Variants in CMTM4 observed in about 807,000 individuals in gnomAD.
CMTM4 encodes the protein CKLF like MARVEL transmembrane domain containing 4, also known as CKLF-like MARVEL transmembrane domain-containing protein 4.
A neutral mutation model predicts 19.0 loss-of-function variants in CMTM4; 8 were observed. The observed-to-expected ratio is 0.42, with a 90% confidence interval of 0.25 to 0.76. CMTM4 has a LOEUF of 0.76. CMTM4 is among the 30% of genes least tolerant of loss of function. The pLI is 0.27. For synonymous variants in CMTM4, 106 were observed against 121.1 expected (o/e 0.88, Z 0.82); for missense variants, 228 against 290.2 (o/e 0.79, Z 1.56).
chr16:66,611,142 T>G (rs2015361159), downstream of CMTM4: 1 of 348,382 alleles, frequency 2.9e-6, no homozygotes, highest in Non-Finnish European at 5.1e-6. Flanking sequence ...AAAATTATTC[T>G]TGACTTATAT....
At chr16:66,600,782 G>GCC in the CMTM4 span, among the ~76,000 whole-genome samples, 7 of 152,190 alleles carry the variant, frequency 4.6e-5, no homozygotes, top group Non-Finnish European at 8.8e-5. Context: ...AAAAGCTGGG[G>GCC]CCTTGCTGTA....
rs1242952617 is a variant in CMTM4 at position 66,617,500 on chromosome 16, TGAA to T, written c.*4555_*4557del. On this transcript the variant is annotated 3_prime_UTR_variant, in exon 4 of 4. Transcript: ENST00000394106. Reference sequence around the variant, plus strand: ...GTGTACAAAATGCCACTCACTTGCATGAAGAAGAATTAAACAGAACATTCACTT... The same window carrying T: ...GTGTACAAAATGCCACTCACTTGCATGAAGAATTAAACAGAACATTCACTT... 4.9e-6 allele frequency: 7 copies of T among 1,420,064 alleles called. No homozygotes were observed. In the African/African-American group the frequency reaches 7.2e-5, roughly 15 times the overall value. 88.0% of individuals were successfully genotyped at this position (1,420,064 alleles called of 1,614,324 possible). A position where few individuals can be genotyped will look rare whatever the true frequency, so the allele number is the denominator to read the frequency against.
chr16:66,632,479 T>C (rs564578249), intron 2 of CMTM4, among the ~76,000 whole-genome samples: 1 of 152,166 alleles, frequency 6.6e-6, no homozygotes, highest in Non-Finnish European at 1.5e-5. Flanking sequence ...TATATTAAAC[T>C]CCATATTTAC....
downstream of CMTM4, among the ~76,000 whole-genome samples, chr16:66,610,357 C>T (rs535969534): frequency 1.4e-4 from 22 of 152,290 alleles, no homozygotes; most frequent in African/African-American, 5.3e-4. This position sits in a 1 kb window ranked among gnomAD's most constrained non-coding sequence, Gnocchi z 4.6. Context: ...CCTCTGCTGT[C>T]TTACCCATCC....
intron 1 of CMTM4, among the ~76,000 whole-genome samples, chr16:66,671,905 C>T (rs2016714568): frequency 6.6e-6 from 1 of 151,860 alleles, no homozygotes; most frequent in African/African-American, 2.4e-5. Flanking sequence ...GTGGCACACA[C>T]CTGTGGTCCC....
chr16:66,630,373 C>T (rs1190699555), intron 2 of CMTM4, among the ~76,000 whole-genome samples: 5 of 141,326 alleles, frequency 3.5e-5, no homozygotes, highest in Non-Finnish European at 7.7e-5. Flanking sequence ...TTTCCACGGT[C>T]TCCCTCTGAT....
At chr16:66,687,278 A>G (rs2144918700) in intron 1 of CMTM4, among the ~76,000 whole-genome samples, 1 of 152,212 alleles carries the variant, frequency 6.6e-6, no homozygotes. Flanking sequence ...GTTAAAGATT[A>G]CAGTCAGTAT....
chr16:66,659,855 C>T (rs2016469826), intron 1 of CMTM4, among the ~76,000 whole-genome samples: 1 of 152,116 alleles, frequency 6.6e-6, no homozygotes, highest in Non-Finnish European at 1.5e-5. Context: ...TATGTGGGCA[C>T]TTGTACTATT....
At chr16:66,633,118 AATATATATATAT>A (rs1168825024) in intron 2 of CMTM4, among the ~76,000 whole-genome samples, 8 of 76,198 alleles carry the variant, frequency 1.0e-4, no homozygotes, top group South Asian at 4.7e-4. Context: ...TATATATATA[AATATATATATAT>A]AAATATATAT....
chr16:66,619,202 G>A lies in CMTM4; in HGVS notation c.*2856C>T. ...CTCCCATGCCTTCAGCAGTGTGAAAGAAGGATATCAAAGAGAATCAGAGGG... is the reference window on the plus strand; with the variant it reads ...CTCCCATGCCTTCAGCAGTGTGAAAAAAGGATATCAAAGAGAATCAGAGGG... On this transcript the variant is annotated 3_prime_UTR_variant, in exon 4 of 4. Transcript: ENST00000394106. 1.0e-6 allele frequency: 1 copy of A among 985,456 alleles called. No individual in the cohort carries two copies. Among genetic ancestry groups the A allele is most frequent in the Middle Eastern group, 5.2e-4 (1 of 1,914 alleles). 61.0% of individuals were successfully genotyped at this position (985,456 alleles called of 1,614,324 possible). A position where few individuals can be genotyped will look rare whatever the true frequency, so the allele number is the denominator to read the frequency against.
intron 1 of CMTM4, among the ~76,000 whole-genome samples, chr16:66,690,021 TAA>T (rs2017106961): frequency 6.6e-6 from 1 of 152,208 alleles, no homozygotes; most frequent in Admixed American, 6.5e-5. Flanking sequence ...CAAAAAAACT[TAA>T]GAGTAATTAT....
intron 1 of CMTM4, among the ~76,000 whole-genome samples, chr16:66,684,895 C>T (rs2017005110): frequency 1.3e-5 from 2 of 152,256 alleles, no homozygotes; most frequent in African/African-American, 4.8e-5. Context: ...TGCTCTCTTC[C>T]TCTCCACCTC....
intron 1 of CMTM4, among the ~76,000 whole-genome samples, chr16:66,667,781 T>C (rs531740884): frequency 6.6e-6 from 1 of 151,922 alleles, no homozygotes; most frequent in Admixed American, 6.6e-5. Flanking sequence ...CCCAGCTATT[T>C]AGGAGGCTGA....
At position 66,617,224 on chromosome 16, in the gene CMTM4, AAC is replaced by A. The variant is rs1159148227; in HGVS notation, c.*4832_*4833del. ...CATAAAAAAACAAACATAGACAACA[AAC>A]TTACCCTATGAAATAGATACACAGT... On this transcript the variant is annotated 3_prime_UTR_variant, in exon 4 of 4. Transcript: ENST00000394106. 2.0e-5 allele frequency: 32 copies of A among 1,568,336 alleles called. No individual in the cohort carries two copies. Among genetic ancestry groups the A allele is most frequent in the Non-Finnish European group, 2.7e-5 (31 of 1,146,396 alleles).
intron 2 of CMTM4, among the ~76,000 whole-genome samples, chr16:66,629,580 CATA>C (rs1374002998): frequency 1.3e-5 from 2 of 152,112 alleles, no homozygotes; most frequent in Admixed American, 1.3e-4. Flanking sequence ...TTTTGTTATT[CATA>C]ATGAGTCCCT....
intron 1 of CMTM4, among the ~76,000 whole-genome samples, chr16:66,649,060 G>T (rs2016260283): frequency 6.6e-6 from 1 of 152,206 alleles, no homozygotes; most frequent in Admixed American, 6.5e-5. Flanking sequence ...TGAGGTTGCT[G>T]GGCACAGTGG....
intron 1 of CMTM4, among the ~76,000 whole-genome samples, chr16:66,690,466 T>C (rs1441506626): frequency 1.3e-5 from 2 of 152,162 alleles, no homozygotes; most frequent in East Asian, 1.9e-4. Flanking sequence ...GCTTTGTAAA[T>C]GTAGCTATAT....
chr16:66,608,177 G>A, the CMTM4 span: 13 of 931,164 alleles, frequency 1.4e-5, no homozygotes, highest in Non-Finnish European at 2.2e-5. The surrounding 1 kb of genome is among the most constrained non-coding windows in gnomAD (Gnocchi z 5.1). Flanking sequence ...CCACTTCCCA[G>A]CTGCGGGACT....
At chr16:66,655,094 C>T (rs912076650) in intron 1 of CMTM4, among the ~76,000 whole-genome samples, 1 of 152,100 alleles carries the variant, frequency 6.6e-6, no homozygotes, top group Non-Finnish European at 1.5e-5. Flanking sequence ...AGCCAACCTC[C>T]CACCTCAGCC....
Sources: gnomAD v4.1 joint callset for allele counts (sites outside exome capture counted in the v4.1 genomes callset) on GRCh38, gnomAD v4.1.1 for gene constraint, Gnocchi (gnomAD v3.1) non-coding constraint, MANE v1.5 for transcripts, NCBI Gene and HGNC (gene_info 2026-07-23, HGNC 2026-07-21) for gene names.